The following SLC35F1 variants were observed in gnomAD, a reference collection of about 807,000 sequenced individuals.
SLC35F1 encodes the protein solute carrier family 35 member F1, also known as chromosome 6 open reading frame 169.
In SLC35F1, 14 loss-of-function variants were observed where a neutral mutation model predicts 48.7. The observed-to-expected ratio is 0.29, with a 90% CI of 0.19 to 0.45. The LOEUF (loss-of-function observed/expected upper bound fraction) is 0.45. SLC35F1 is among the 20% of genes least tolerant of loss of function. The pLI is 1.00. For missense variants in SLC35F1, 404 were observed against 500.0 expected (o/e 0.81, Z 1.83); for synonymous variants, 190 against 202.2 (o/e 0.94, Z 0.51).
At chr6:118,266,199 C>G (rs543570172) in intron 3 of SLC35F1, among the ~76,000 whole-genome samples, 1 of 152,280 alleles carries the variant, frequency 6.6e-6, no homozygotes, top group East Asian at 1.9e-4. Flanking sequence ...TCTTCTGGCT[C>G]CTAGCACAGG....
intron 1 of SLC35F1, among the ~76,000 whole-genome samples, chr6:118,049,843 G>A (rs912494909): frequency 1.1e-4 from 17 of 151,798 alleles, no homozygotes; most frequent in African/African-American, 4.1e-4. Context: ...AATACCATTT[G>A]ACCCAGCCAT....
At chr6:117,918,117 A>C (rs978136367) in intron 1 of SLC35F1, among the ~76,000 whole-genome samples, 1 of 152,092 alleles carries the variant, frequency 6.6e-6, no homozygotes, top group Non-Finnish European at 1.5e-5. Flanking sequence ...TGCAGCTGGA[A>C]ATGTGGATGG....
intron 1 of SLC35F1, among the ~76,000 whole-genome samples, chr6:118,039,819 T>TTTTTTTTTTG: frequency 6.6e-6 from 1 of 150,790 alleles, no homozygotes; most frequent in Admixed American, 6.6e-5. Flanking sequence ...TTTTTTTTTT[T>TTTTTTTTTTG]TGCTTCAGAC....
At chr6:118,243,695 A>C (rs532755457) in intron 3 of SLC35F1, among the ~76,000 whole-genome samples, 1 of 152,278 alleles carries the variant, frequency 6.6e-6, no homozygotes, top group South Asian at 2.1e-4. Context: ...GACTTCTAAA[A>C]TTTGTAGCCA....
intron 2 of SLC35F1, among the ~76,000 whole-genome samples, chr6:118,186,529 C>T (rs1181401458): frequency 6.6e-6 from 1 of 152,152 alleles, no homozygotes; most frequent in East Asian, 1.9e-4. Flanking sequence ...CCTTCCCAAT[C>T]TTTAGTTTTT....
chr6:118,083,098 T>C (rs1444782449), intron 1 of SLC35F1, among the ~76,000 whole-genome samples: 2 of 152,230 alleles, frequency 1.3e-5, no homozygotes, highest in Non-Finnish European at 2.9e-5. Context: ...AATTCTAGTG[T>C]TGATTAAACT....
At chr6:118,238,133 A>G (rs184128955) in intron 3 of SLC35F1, among the ~76,000 whole-genome samples, 1 of 152,242 alleles carries the variant, frequency 6.6e-6, no homozygotes, top group Non-Finnish European at 1.5e-5. Context: ...AATTTGCTAC[A>G]TTTTTAAAGT....
chr6:118,283,332 A>G (rs772818120), intron 6 of SLC35F1, among the ~76,000 whole-genome samples: 20 of 152,170 alleles, frequency 1.3e-4, no homozygotes, highest in Admixed American at 2.0e-4. Context: ...CATTCTCTTT[A>G]AGAAACACTT....
rs148738770 is a variant in SLC35F1, at chr6:118,256,297, C to T, written c.478-10698C>T. 2.0e-5 allele frequency among the ~76,000 whole-genome samples: 3 copies of T among 150,654 alleles called. No homozygotes were observed. In the East Asian group the frequency reaches 5.9e-4, roughly 30 times the overall value. On this transcript the variant is annotated intron_variant, in intron 3 of 7. Coordinates refer to ENST00000360388, the MANE Select transcript of SLC35F1 (RefSeq NM_001029858.4). ...TAAAGATCCTTCCCTGTTAACACTT[C>T]AGTTTTACTCACTGGAGATGAATTT... is the stretch of plus-strand genomic sequence containing the variant.
chr6:118,010,365 A>G (rs750670952), intron 1 of SLC35F1, among the ~76,000 whole-genome samples: 3 of 152,196 alleles, frequency 2.0e-5, no homozygotes, highest in Non-Finnish European at 4.4e-5. Context: ...TTCCTTCAAT[A>G]TTAATGCACT....
chr6:117,935,743 A>G (rs1776155840), intron 1 of SLC35F1, among the ~76,000 whole-genome samples: 1 of 152,226 alleles, frequency 6.6e-6, no homozygotes, highest in Non-Finnish European at 1.5e-5. Flanking sequence ...TGCTTATAGT[A>G]CGAGAGCTAA....
At position 118,250,661 on chromosome 6, in the gene SLC35F1, GAAC is replaced by G. The variant is rs1468513538; in HGVS notation, c.477+15030_477+15032del. ...AGGACATGAGAACTCCAGACAGGGG[GAAC>G]AACATGTAGAAAGAAATGAGTCATG... On this transcript the variant is annotated intron_variant, in intron 3 of 7. Coordinates refer to ENST00000360388, the MANE Select transcript of SLC35F1 (RefSeq NM_001029858.4). 2.0e-5 allele frequency among the ~76,000 whole-genome samples: 3 copies of G among 152,204 alleles called. No individual in the cohort carries two copies. The East Asian group carries it at 5.8e-4, about 30-fold the overall frequency.
intron 1 of SLC35F1, among the ~76,000 whole-genome samples, chr6:117,994,205 C>CG (rs1012900525): frequency 2.7e-4 from 41 of 151,890 alleles, no homozygotes; most frequent in African/African-American, 9.9e-4. Context: ...TCACATTGCC[C>CG]CCCCCATCCT....
At chr6:118,290,940 A>T (rs543795133) in intron 7 of SLC35F1, among the ~76,000 whole-genome samples, 52 of 151,826 alleles carry the variant, frequency 3.4e-4, no homozygotes, top group Non-Finnish European at 6.8e-4. Flanking sequence ...GACTACAGGC[A>T]CTCGCCACCA....
At chr6:118,212,657 T>C (rs1325892557) in intron 2 of SLC35F1, among the ~76,000 whole-genome samples, 1 of 145,008 alleles carries the variant, frequency 6.9e-6, no homozygotes, top group African/African-American at 2.6e-5. Flanking sequence ...TCCATTGCAC[T>C]CCAGCCTGGA....
intron 1 of SLC35F1, among the ~76,000 whole-genome samples, chr6:118,110,985 G>C (rs180956165): frequency 1.2e-4 from 18 of 152,072 alleles, no homozygotes; most frequent in Admixed American, 1.0e-3. Flanking sequence ...TTTCCTCCAG[G>C]GTAGGCCTTG....
chr6:117,911,448 A>T (rs1775762869), intron 1 of SLC35F1, among the ~76,000 whole-genome samples: 1 of 110,630 alleles, frequency 9.0e-6, no homozygotes, highest in Non-Finnish European at 1.7e-5. Flanking sequence ...CCTTCCTTCC[A>T]TCCTTCTGGC....
chr6:118,274,431 G>A (rs1175791049), intron 4 of SLC35F1, among the ~76,000 whole-genome samples: 1 of 152,078 alleles, frequency 6.6e-6, no homozygotes, highest in Non-Finnish European at 1.5e-5. Context: ...AGAATGTCAC[G>A]CTTCCCCCAG....
intron 5 of SLC35F1, among the ~76,000 whole-genome samples, chr6:118,275,976 G>A (rs139400049): frequency 5.3e-5 from 8 of 152,240 alleles, no homozygotes; most frequent in Admixed American, 3.9e-4. Context: ...GGAACATTCT[G>A]TCTACTAGTG....
Sources: gnomAD v4.1 joint callset for allele counts (sites outside exome capture counted in the v4.1 genomes callset) on GRCh38, gnomAD v4.1.1 for gene constraint, MANE v1.5 for transcripts, NCBI Gene and HGNC (gene_info 2026-07-23, HGNC 2026-07-21) for gene names.